Variants in UBXN7 observed in about 807,000 individuals in gnomAD.
UBXN7 encodes UBX domain protein 7.
Under a neutral mutation model 58.0 loss-of-function variants are expected in UBXN7, and 9 were observed. The observed-to-expected ratio is 0.16, with a 90% CI of 0.09 to 0.27. The LOEUF (loss-of-function observed/expected upper bound fraction) is 0.27, where lower values mean the gene tolerates loss of function less well. Among genes scored for constraint, UBXN7 ranks in the 10% least tolerant of loss-of-function variants. The pLI is 1.00. For missense variants in UBXN7, 328 were observed against 599.6 expected (o/e 0.55, Z 4.73); for synonymous variants, 208 against 205.0 (o/e 1.01, Z -0.12).
At chr3:196,398,630 C>G (rs1729852368) in intron 3 of UBXN7, among the ~76,000 whole-genome samples, 1 of 152,092 alleles carries the variant, frequency 6.6e-6, no homozygotes, top group South Asian at 2.1e-4. Context: ...TGCCTGAAAG[C>G]TCTTTTGTAA....
chr3:196,406,413 A>G (rs1402484632), intron 2 of UBXN7, among the ~76,000 whole-genome samples: 1 of 151,912 alleles, frequency 6.6e-6, no homozygotes. Flanking sequence ...CATGGCCAAC[A>G]TTAACAGAAA....
At chr3:196,386,104 T>G (rs1729385067) in intron 5 of UBXN7, among the ~76,000 whole-genome samples, 1 of 151,994 alleles carries the variant, frequency 6.6e-6, no homozygotes, top group African/African-American at 2.4e-5. Context: ...CTGAAACATG[T>G]GCTGTGTCCA....
intron 3 of UBXN7, among the ~76,000 whole-genome samples, chr3:196,401,864 A>AGAGAAGAGAAGAGAAGAGAAGAGAAGAG (rs1560235923): frequency 2.6e-5 from 4 of 151,130 alleles, no homozygotes; most frequent in South Asian, 2.1e-4. Context: ...AGAGAAGAAA[A>AGAGAAGAGAAGAGAAGAGAAGAGAAGAG]ACTACCTATT....
intron 3 of UBXN7, among the ~76,000 whole-genome samples, chr3:196,396,167 T>C (rs1224707021): frequency 6.6e-6 from 1 of 152,150 alleles, no homozygotes; most frequent in African/African-American, 2.4e-5. Context: ...AGAAATGTCA[T>C]ACTTTTCAAT....
intron 10 of UBXN7, 145 bp downstream of exon 10, chr3:196,361,699 C>T: frequency 1.5e-6 from 1 of 655,102 alleles, no homozygotes; most frequent in Non-Finnish European, 2.5e-6. Flanking sequence ...AAGTTATGTG[C>T]TTTTTTTTAG....
At chr3:196,395,533 C>T (rs556343137) in intron 3 of UBXN7, among the ~76,000 whole-genome samples, 1 of 151,868 alleles carries the variant, frequency 6.6e-6, no homozygotes, top group East Asian at 1.9e-4. Flanking sequence ...AGACTCCATC[C>T]TCCTAGGCTC....
chr3:196,363,292 G>C (rs1367753925), intron 8 of UBXN7, among the ~76,000 whole-genome samples: 1 of 150,464 alleles, frequency 6.6e-6, no homozygotes, highest in Non-Finnish European at 1.5e-5. Flanking sequence ...CTTTTTTTAA[G>C]AGACAGGGTC....
intron 1 of UBXN7, among the ~76,000 whole-genome samples, chr3:196,430,165 G>A (rs1229247360): frequency 6.6e-6 from 1 of 151,884 alleles, no homozygotes; most frequent in Admixed American, 6.6e-5. Flanking sequence ...GACCAGCCAG[G>A]CCAACATGAT....
chr3:196,428,056 G>A (rs971328294), intron 1 of UBXN7, among the ~76,000 whole-genome samples: 7 of 152,136 alleles, frequency 4.6e-5, no homozygotes, highest in Non-Finnish European at 7.3e-5. Context: ...CCCAGGAGGC[G>A]GAGACAGCAG....
chr3:196,366,989 C>T (rs1444924493), intron 8 of UBXN7, among the ~76,000 whole-genome samples: 1 of 152,128 alleles, frequency 6.6e-6, no homozygotes, highest in African/African-American at 2.4e-5. Context: ...TTGAAACCAG[C>T]CTGCCCAACA....
chr3:196,368,219 C>T (rs1458211100), intron 7 of UBXN7, 64 bp from the exon 8 acceptor site: 1 of 1,492,876 alleles, frequency 6.7e-7, no homozygotes. Flanking sequence ...GAACATTCTC[C>T]AGGATCTATA....
chr3:196,356,067 G>C lies in UBXN7; in HGVS notation c.*618C>G, dbSNP rs1188876419. The stretch of plus-strand genomic sequence containing the variant: ...TCATGGAAATAGTCCTTATAGCTGG[G>C]AACATGAAAATCCTTTGAAAAAGGT... On this transcript the variant is annotated 3_prime_UTR_variant, in exon 11 of 11. Transcript: ENST00000296328. The C allele has an allele frequency of 1.3e-5, 2 of 152,558 alleles. No homozygotes were observed. The highest frequency in any genetic ancestry group is 2.9e-5 in the Non-Finnish European group (2 of 68,032). 9.5% of individuals were successfully genotyped at this position (152,558 alleles called of 1,614,324 possible).
At chr3:196,415,879 C>T (rs1295510920) in intron 1 of UBXN7, among the ~76,000 whole-genome samples, 1 of 152,168 alleles carries the variant, frequency 6.6e-6, no homozygotes. Flanking sequence ...CTTTCGGCTG[C>T]TTGTTCTAGC....
rs550426441 is a variant in UBXN7 at position 196,369,987 on chromosome 3, G to A, written c.616-476C>T. Among the ~76,000 whole-genome samples the A allele has an allele frequency of 1.4e-4, 22 of 151,998 alleles. No homozygotes were observed. In the South Asian group the frequency reaches 2.3e-3, roughly 16 times the overall value. On this transcript the variant is annotated intron_variant, in intron 6 of 10. Transcript: ENST00000296328. ...CTCTACTAAAATACAAAAATTAGCC[G>A]GGCCTGGTGACAGGCGCTTGTAGTC...
intron 1 of UBXN7, among the ~76,000 whole-genome samples, chr3:196,416,746 T>C (rs1014464574): frequency 4.6e-5 from 7 of 152,184 alleles, no homozygotes; most frequent in Admixed American, 2.0e-4. Flanking sequence ...TATTTAAAAA[T>C]ATGAAGACTT....
intron 3 of UBXN7, chr3:196,400,191 C>G (rs1405539607): frequency 6.7e-6 from 1 of 148,462 alleles, no homozygotes; most frequent in Non-Finnish European, 1.5e-5. Context: ...TGGGGCAACA[C>G]AGCAAGACCC....
At chr3:196,376,259 A>G (rs566325137) in intron 5 of UBXN7, among the ~76,000 whole-genome samples, 1 of 152,088 alleles carries the variant, frequency 6.6e-6, no homozygotes, top group Admixed American at 6.5e-5. Flanking sequence ...AATGTTATAT[A>G]TTGCCAGGGG....
rs1728119340 is a variant in UBXN7, at chr3:196,347,772, G to C, written c.*8913C>G. On this transcript the variant is annotated 3_prime_UTR_variant, in exon 11 of 11. Transcript: ENST00000296328. Reference sequence around the variant, plus strand: ...ATGTATAGATCAGAGGTTTCCTTGAGTTTGGTCCCTCTCTCAGCACAGTGA... The same window carrying C: ...ATGTATAGATCAGAGGTTTCCTTGACTTTGGTCCCTCTCTCAGCACAGTGA... 2 of 152,142 alleles carry C rather than the reference G, an allele frequency of 1.3e-5. No homozygotes were observed. The highest frequency in any genetic ancestry group is 1.5e-5 in the Non-Finnish European group (1 of 68,036). The allele number at this position is 152,142 out of a possible 1,614,324, so 9.4% of individuals were successfully genotyped here. A position where few individuals can be genotyped will look rare whatever the true frequency, so the allele number is the denominator to read the frequency against.
chr3:196,362,558 G>A lies in UBXN7; in HGVS notation c.964C>T (p.Leu322Phe). Residue 322 changes from leucine (L) to phenylalanine (F), a missense_variant, in exon 9 of 11, where the codon CTT (leucine) becomes TTT (phenylalanine). Coordinates refer to ENST00000296328, the MANE Select transcript of UBXN7 (RefSeq NM_015562.2). ...ATGAACTCCTCACTGCCAGAAAAAA[G>A]TTCAGATTCAGATTCTTCATCTGAG... is the stretch of plus-strand genomic sequence containing the variant. Reference protein sequence around the residue: ...SRSDEESESELFSGSEEFISV... With the variant: ...SRSDEESESEFFSGSEEFISV... The A allele has an allele frequency of 6.2e-7, 1 of 1,614,082 alleles. No homozygotes were observed. The highest frequency in any genetic ancestry group is 8.5e-7 in the Non-Finnish European group (1 of 1,180,020).
Sources: gnomAD v4.1 joint callset for allele counts (sites outside exome capture counted in the v4.1 genomes callset) on GRCh38, gnomAD v4.1.1 for gene constraint, MANE v1.5 for transcripts, NCBI Gene and HGNC (gene_info 2026-07-23, HGNC 2026-07-21) for gene names.